The following SCN11A variants were observed in gnomAD, a reference collection of about 807,000 sequenced individuals.
The protein encoded by SCN11A is sodium channel protein type 11 subunit alpha.
In SCN11A, 122 loss-of-function variants were observed where a neutral mutation model predicts 162.2. The observed-to-expected ratio is 0.75, with a 90% CI of 0.65 to 0.87. SCN11A has a LOEUF of 0.87. Among genes scored for constraint, SCN11A ranks in the 40% least tolerant of loss-of-function variants. The pLI, the probability that SCN11A is intolerant of heterozygous loss-of-function variation, is 0.00. For missense variants in SCN11A, 2,015 were observed against 2,181.6 expected, an observed-to-expected ratio of 0.92 and a Z score of 1.52; for synonymous variants, 758 against 751.5, an observed-to-expected ratio of 1.01 and a Z score of -0.14.
intron 11 of SCN11A, among the ~76,000 whole-genome samples, chr3:38,917,347 A>G (rs1446933205): frequency 1.3e-5 from 2 of 152,246 alleles, no homozygotes; most frequent in Non-Finnish European, 2.9e-5. Flanking sequence ...TCATTGTATC[A>G]TAAAGACACA....
intron 19 of SCN11A, among the ~76,000 whole-genome samples, chr3:38,887,103 A>G (rs1010002232): frequency 5.3e-5 from 8 of 152,136 alleles, no homozygotes; most frequent in Admixed American, 3.3e-4. Flanking sequence ...ATGCTTTTTA[A>G]GTACACGCCA....
At chr3:38,868,954 G>A (rs1451430698) in intron 26 of SCN11A, among the ~76,000 whole-genome samples, 1 of 152,146 alleles carries the variant, frequency 6.6e-6, no homozygotes, top group East Asian at 1.9e-4. Context: ...GCAAGGGATG[G>A]GAGTAGACTG....
intron 7 of SCN11A, among the ~76,000 whole-genome samples, chr3:38,936,901 C>T (rs1385041641): frequency 2.6e-5 from 4 of 151,918 alleles, no homozygotes; most frequent in African/African-American, 4.8e-5. Context: ...CAAAAAAGAG[C>T]CCACATCACC....
At chr3:39,006,964 AGTG>A (rs1309296561) in intron 2 of SCN11A, among the ~76,000 whole-genome samples, 2 of 152,198 alleles carry the variant, frequency 1.3e-5, no homozygotes, top group Non-Finnish European at 2.9e-5. Flanking sequence ...ATAGAAAAAA[AGTG>A]GTGGTGGAGA....
chr3:38,870,851 G>T, intron 25 of SCN11A, 107 bp from the exon 26 acceptor site: 3 of 856,232 alleles, frequency 3.5e-6, no homozygotes, highest in Non-Finnish European at 5.9e-6. Context: ...TATATAAGAT[G>T]ATACCCCAAC....
chr3:38,947,563 C>T (rs1009962230), intron 5 of SCN11A, among the ~76,000 whole-genome samples: 4 of 152,196 alleles, frequency 2.6e-5, no homozygotes, highest in African/African-American at 4.8e-5. Context: ...CGGCCTTTTA[C>T]TGGGAAGACC....
intron 2 of SCN11A, among the ~76,000 whole-genome samples, chr3:38,960,828 A>G (rs2066734357): frequency 6.6e-6 from 1 of 152,214 alleles, no homozygotes; most frequent in Non-Finnish European, 1.5e-5. Flanking sequence ...CTCTTGTGCC[A>G]TTAACCTTGG....
At chr3:38,937,165 C>T (rs2125564472) in intron 7 of SCN11A, among the ~76,000 whole-genome samples, 1 of 151,798 alleles carries the variant, frequency 6.6e-6, no homozygotes, top group Admixed American at 6.6e-5. Context: ...AACTGGCTAG[C>T]CATATGTAGA....
chr3:38,921,156 CCT>C lies in SCN11A; in HGVS notation c.810_811del (p.Gly271SerfsTer18). On this transcript the variant is annotated frameshift_variant, in exon 10 of 30. Coordinates refer to ENST00000302328, the MANE Select transcript of SCN11A (RefSeq NM_001349253.2). LOFTEE classifies it high-confidence loss of function. ...CAGACTTCCCATGAAGAGCTGCTGA[CCT>C]ACCAGGGCAAAGATGCTGAGGCAAA... is the stretch of plus-strand genomic sequence containing the variant. 2 of 1,614,106 alleles carry C rather than the reference CCT, an allele frequency of 1.2e-6. No homozygotes were observed.
At chr3:38,991,114 G>A (rs1344670162) in intron 2 of SCN11A, among the ~76,000 whole-genome samples, 1 of 152,104 alleles carries the variant, frequency 6.6e-6, no homozygotes, top group Non-Finnish European at 1.5e-5. Context: ...GGATGGGAGT[G>A]AAGTGAAAAA....
At chr3:39,002,438 A>G (rs930816110) in intron 2 of SCN11A, among the ~76,000 whole-genome samples, 1 of 152,250 alleles carries the variant, frequency 6.6e-6, no homozygotes, top group Non-Finnish European at 1.5e-5. Flanking sequence ...AAAGGCAAAA[A>G]GGAACAGGAA....
At chr3:39,010,378 CTTTT>C (rs201494677) in intron 2 of SCN11A, among the ~76,000 whole-genome samples, 1 of 120,752 alleles carries the variant, frequency 8.3e-6, no homozygotes, top group Non-Finnish European at 1.6e-5. Flanking sequence ...TTTAGTTTTT[CTTTT>C]TTCTTTTTTT....
Position 38,904,022 on chromosome 3 carries a change from T to TTAAC in SCN11A, c.1684_1685insGTTA (p.Gln562ArgfsTer2), listed in dbSNP as rs760068097. ...CAGGACCTTCTTAACGCACAGCCAC[T>TTAAC]GGGGGCAACAGTTCCACACGAGGTA... On this transcript the variant is annotated stop_gained and frameshift_variant, in exon 16 of 30. Transcript: ENST00000302328. LOFTEE classifies it high-confidence loss of function. 2 of 1,612,214 alleles carry TTAAC rather than the reference T, an allele frequency of 1.2e-6. No individual in the cohort carries two copies. The highest frequency in any genetic ancestry group is 1.7e-6 in the Non-Finnish European group (2 of 1,179,532).
At chr3:38,950,007 A>G in intron 5 of SCN11A, 89 bp downstream of exon 5, 1 of 778,700 alleles carries the variant, frequency 1.3e-6, no homozygotes, top group Non-Finnish European at 2.0e-6. Context: ...AAACCCTAAG[A>G]GTGGTGTTTG....
In SCN11A at chr3:38,883,316, G is replaced by T; in HGVS notation, c.3136C>A (p.Arg1046=). ...TTCACTATTTGGTAGCAGGTTTTCC[G>T]CAGGTTCCACCAAATGACCCAGGGA... ...KPPWVIWWNL[R]KTCYQIVKHS... The change falls in exon 22 of 30, where the codon CGG becomes AGG. Residue 1046 remains arginine (R), a synonymous_variant. Transcript: ENST00000302328. The T allele has an allele frequency of 6.2e-7, 1 of 1,613,858 alleles. No individual in the cohort carries two copies. Among genetic ancestry groups the T allele is most frequent in the Non-Finnish European group, 8.5e-7 (1 of 1,179,826 alleles).
chr3:38,904,219 G>T, intron 15 of SCN11A, 116 bp from the exon 16 acceptor site: 1 of 611,192 alleles, frequency 1.6e-6, no homozygotes. Context: ...ATGATCAGTT[G>T]TGAAATGTTT....
At chr3:38,992,025 T>A (rs2030468167) in intron 2 of SCN11A, among the ~76,000 whole-genome samples, 2 of 152,162 alleles carry the variant, frequency 1.3e-5, no homozygotes, top group Admixed American at 1.3e-4. Context: ...GCCAGGCTGG[T>A]CTCGAACTCC....
chr3:38,881,531 T>C (rs906571386), intron 22 of SCN11A, among the ~76,000 whole-genome samples: 4 of 152,132 alleles, frequency 2.6e-5, no homozygotes, highest in Admixed American at 2.6e-4. Flanking sequence ...ATCTAGGCCA[T>C]TTTCTGACAC....
Position 38,896,971 on chromosome 3 carries a change from T to A in SCN11A, c.2277A>T (p.Leu759=). The change falls in exon 18 of 30, where the codon CTA becomes CTT. Residue 759 remains leucine (L), a synonymous_variant. Transcript: ENST00000302328. ...CCCCGCAGAGGATGCGGAATACCAC[T>A]AGGAAGGAGTGCCAGAAATCCCCCA... ...WHMGDFWHSF[L]VVFRILCGEW... is the part of the protein sequence containing the mutation. The A allele has an allele frequency of 6.2e-7, 1 of 1,614,062 alleles. No individual in the cohort carries two copies. The highest frequency in any genetic ancestry group is 8.5e-7 in the Non-Finnish European group (1 of 1,180,004).
Sources: gnomAD v4.1 joint callset for allele counts (sites outside exome capture counted in the v4.1 genomes callset) on GRCh38, gnomAD v4.1.1 for gene constraint, MANE v1.5 for transcripts, NCBI Gene and HGNC (gene_info 2026-07-23, HGNC 2026-07-21) for gene names.